BLVRA: variants seen among roughly 807,000 people sequenced by gnomAD.
The protein encoded by BLVRA is biliverdin reductase A, also known as BVR A.
In BLVRA, 22 loss-of-function variants were observed where a neutral mutation model predicts 32.8. That is an observed-to-expected ratio of 0.67 (90% CI 0.48 to 0.96). BLVRA has a LOEUF of 0.96. Among genes scored for constraint, BLVRA ranks in the 40% least tolerant of loss-of-function variants. The pLI is 0.00. For missense variants in BLVRA, 323 were observed against 358.1 expected (o/e 0.90, Z 0.79); for synonymous variants, 119 against 141.3 (o/e 0.84, Z 1.12).
chr7:43,802,912 A>AT (rs35792323), intron 6 of BLVRA, among the ~76,000 whole-genome samples: 66,731 of 150,822 alleles, frequency 0.44, 15,213 homozygotes, highest in African/African-American at 0.58. Context: ...TAATTTTTGT[A>AT]TTTTTTTTTA....
intron 5 of BLVRA, among the ~76,000 whole-genome samples, chr7:43,797,156 G>C (rs540538075): frequency 6.6e-6 from 1 of 152,150 alleles, no homozygotes; most frequent in Non-Finnish European, 1.5e-5. Context: ...AGGCTTGAAC[G>C]CAGTGGCGCA....
At position 43,787,311 on chromosome 7, in the gene BLVRA, A is replaced by C. The variant is rs1367821880; in HGVS notation, c.13-593A>C. On this transcript the variant is annotated intron_variant, in intron 2 of 7. Transcript: ENST00000265523. This position sits in a 1 kb window ranked among gnomAD's most constrained non-coding sequence, Gnocchi z 4.5. ...GATTTTTCACTGTAATACTGTTCAC[A>C]TACAGCCTCCAGCAGTGCACTTAAA... Among the ~76,000 whole-genome samples, 5 of 152,200 alleles carry C rather than the reference A, an allele frequency of 3.3e-5. No individual in the cohort carries two copies. The highest frequency in any genetic ancestry group is 1.3e-4 in the Admixed American group (2 of 15,274).
intron 1 of BLVRA, among the ~76,000 whole-genome samples, chr7:43,770,367 G>A (rs1218937581): frequency 6.6e-6 from 1 of 152,148 alleles, no homozygotes; most frequent in African/African-American, 2.4e-5. Flanking sequence ...TCCAGTGTTT[G>A]TCCAGGTGTG....
intron 2 of BLVRA, among the ~76,000 whole-genome samples, chr7:43,779,991 A>G (rs1450631292): frequency 6.6e-6 from 1 of 151,628 alleles, no homozygotes; most frequent in Non-Finnish European, 1.5e-5. Flanking sequence ...CTCCCACCTC[A>G]GCCTACCAAG....
At chr7:43,758,644 C>G (rs1192582414), upstream of BLVRA, 1 of 153,124 alleles carries the variant, frequency 6.5e-6, no homozygotes, top group Admixed American at 6.5e-5. Context: ...CCCCGCCCCC[C>G]AGCCGGGCAG....
chr7:43,769,553 G>A (rs2095752080), intron 1 of BLVRA, among the ~76,000 whole-genome samples: 1 of 152,046 alleles, frequency 6.6e-6, no homozygotes, highest in South Asian at 2.1e-4. Flanking sequence ...CTCAAAGCAG[G>A]AAGGAGCAAT....
intron 3 of BLVRA, 110 bp downstream of exon 3, chr7:43,788,135 A>G (rs950907652): frequency 1.6e-5 from 25 of 1,561,420 alleles, no homozygotes; most frequent in Admixed American, 1.7e-5. Flanking sequence ...CCATCTCCCA[A>G]CTGAGAACTG....
intron 1 of BLVRA, among the ~76,000 whole-genome samples, chr7:43,765,933 T>C (rs527995678): frequency 6.6e-5 from 10 of 152,322 alleles, no homozygotes; most frequent in Middle Eastern, 3.4e-3. Context: ...ATTTAGAGCC[T>C]TATCTCATGC....
intron 2 of BLVRA, among the ~76,000 whole-genome samples, chr7:43,778,876 G>GCCTTGCTGCCA (rs1264165413): frequency 6.6e-6 from 1 of 152,232 alleles, no homozygotes; most frequent in Non-Finnish European, 1.5e-5. Flanking sequence ...CCCTCCCCCA[G>GCCTTGCTGCCA]CCTTGCTGCC....
Position 43,787,815 on chromosome 7 carries a change from G to T in BLVRA, c.13-89G>T. 1 of 1,605,474 alleles carries T rather than the reference G, an allele frequency of 6.2e-7. No homozygotes were observed. The highest frequency in any genetic ancestry group is 8.5e-7 in the Non-Finnish European group (1 of 1,172,842). On this transcript the variant is annotated intron_variant, in intron 2 of 7. Transcript: ENST00000265523. The surrounding 1 kb of genome is among the most constrained non-coding windows in gnomAD (Gnocchi z 4.5). ...TTTTGGGCTGGCTTCCATCTTGCTC[G>T]TCGGGACCCTGCCAGCTCCTTTGTT...
At chr7:43,792,570 T>C (rs2095787307) in intron 4 of BLVRA, 145 bp from the exon 5 acceptor site, 1 of 742,786 alleles carries the variant, frequency 1.3e-6, no homozygotes, top group Non-Finnish European at 2.4e-6. Flanking sequence ...CCATATCCCG[T>C]GGCACTGACT....
At chr7:43,783,503 C>T (rs1437670346) in intron 2 of BLVRA, among the ~76,000 whole-genome samples, 1 of 152,146 alleles carries the variant, frequency 6.6e-6, no homozygotes, top group Non-Finnish European at 1.5e-5. Flanking sequence ...TTTATATTGC[C>T]ATGTAATACT....
chr7:43,759,521 G>A (rs1478690810), intron 1 of BLVRA, among the ~76,000 whole-genome samples: 3 of 152,118 alleles, frequency 2.0e-5, no homozygotes, highest in Non-Finnish European at 4.4e-5. Flanking sequence ...TTGTTGCCTC[G>A]ATTTTCTCAC....
rs749890069 is a variant in BLVRA at position 43,787,955 on chromosome 7, G to C, written c.64G>C (p.Val22Leu). Residue 22 changes from valine to leucine, a missense_variant, in exon 3 of 8, where the codon GTG becomes CTG. By Grantham distance (32) the Val-to-Leu change is conservative. Coordinates refer to ENST00000265523, the MANE Select transcript of BLVRA (RefSeq NM_000712.4). This position sits in a 1 kb window ranked among gnomAD's most constrained non-coding sequence, Gnocchi z 4.5. ...VVVGVGRAGSVRMRDLRNPHP... is the reference protein window; with the variant it reads ...VVVGVGRAGSLRMRDLRNPHP... ...GGTTGGTGTTGGCCGAGCCGGCTCC[G>C]TGCGGATGAGGGACTTGCGGAATCC... The C allele has an allele frequency of 3.1e-6, 5 of 1,614,214 alleles. No homozygotes were observed. Among genetic ancestry groups the C allele is most frequent in the Non-Finnish European group, 3.4e-6 (4 of 1,180,044 alleles).
intron 2 of BLVRA, among the ~76,000 whole-genome samples, chr7:43,781,142 C>CA (rs1374000641): frequency 0.013 from 1,295 of 98,788 alleles, 9 homozygotes; most frequent in South Asian, 0.027. Flanking sequence ...GACTCTGCCT[C>CA]AAAAAAAAAA....
At chr7:43,792,881 TA>T in intron 5 of BLVRA, 69 bp downstream of exon 5, 1 of 1,458,558 alleles carries the variant, frequency 6.9e-7, no homozygotes, top group Non-Finnish European at 9.5e-7. Context: ...CTTTAAAACT[TA>T]ACCCCATTTC....
intron 2 of BLVRA, among the ~76,000 whole-genome samples, chr7:43,785,332 CA>C (rs57195897): frequency 0.035 from 2,613 of 75,410 alleles, 19 homozygotes; most frequent in Non-Finnish European, 0.053. Flanking sequence ...TAGAAATTAC[CA>C]AAAAAAAAAA....
In BLVRA at chr7:43,771,943, C is replaced by T. The variant is rs187447170; in HGVS notation, c.12+773C>T. 4.2e-4 allele frequency among the ~76,000 whole-genome samples: 64 copies of T among 152,334 alleles called. 3 individuals are homozygous for T. The East Asian group carries it at 0.012, about 29-fold the overall frequency. On this transcript the variant is annotated intron_variant, in intron 2 of 7. Transcript: ENST00000265523. The stretch of plus-strand genomic sequence containing the variant: ...TCCCCCTCACTCTTAGCATCAGGAT[C>T]CCTTTTCATTTTACAGAGGAAAATG...
At position 43,791,305 on chromosome 7, in the gene BLVRA, C is replaced by G. The variant is rs1316703004; in HGVS notation, c.191C>G (p.Ser64Cys). 1.2e-6 allele frequency: 2 copies of G among 1,614,076 alleles called. No individual in the cohort carries two copies. Among genetic ancestry groups the G allele is most frequent in the Non-Finnish European group, 1.7e-6 (2 of 1,179,950 alleles). The change falls in exon 4 of 8, where the codon TCC (serine) becomes TGC (cysteine). Residue 64 changes from serine (S) to cysteine (C), a missense_variant. Coordinates refer to ENST00000265523, the MANE Select transcript of BLVRA (RefSeq NM_000712.4). ...CAGATTTCTTTGGAGGATGCTCTTT[C>G]CAGCCAAGAGGTGGAGGTCGCCTAT... Reference protein sequence around the residue: ...VQQISLEDALSSQEVEVAYIC... With the variant: ...VQQISLEDALCSQEVEVAYIC...
Sources: allele counts gnomAD v4.1 joint callset (sites outside exome capture counted in the v4.1 genomes callset), GRCh38; gene constraint gnomAD v4.1.1; non-coding constraint Gnocchi (gnomAD v3.1); transcripts MANE v1.5; gene names NCBI Gene and HGNC (gene_info 2026-07-23, HGNC 2026-07-21).